Variants in ARHGAP19 observed in about 807,000 individuals in gnomAD.
ARHGAP19 encodes Rho GTPase activating protein 19, also known as rho GTPase-activating protein 19.
In ARHGAP19, 48 loss-of-function variants were observed where a neutral mutation model predicts 60.9. The observed-to-expected ratio is 0.79, with a 90% CI of 0.62 to 1.00. The LOEUF (loss-of-function observed/expected upper bound fraction) is 1.00, where lower values mean the gene tolerates loss of function less well. ARHGAP19 is among the 50% of genes least tolerant of loss of function. The probability of loss-of-function intolerance (pLI) is 0.00; values close to 1 mark genes in which losing one functional copy is unlikely to be tolerated. For missense variants in ARHGAP19, 562 were observed against 597.2 expected, an observed-to-expected ratio of 0.94 and a Z score of 0.61; for synonymous variants, 209 against 215.5, an observed-to-expected ratio of 0.97 and a Z score of 0.27.
At chr10:97,263,273 G>A in intron 4 of ARHGAP19, 147 bp downstream of exon 4, 1 of 748,576 alleles carries the variant, frequency 1.3e-6, no homozygotes, top group Non-Finnish European at 2.2e-6. Flanking sequence ...ATACCTATGA[G>A]TACCCAGAGA....
chr10:97,264,918 T>C lies in ARHGAP19; in HGVS notation c.323-12A>G, dbSNP rs1226948126. ...TATCACTCCTTTTTCTGAAAAACCATATGATATGACAGGGCTATATTTCAC... is the reference window on the plus strand; with the variant it reads ...TATCACTCCTTTTTCTGAAAAACCACATGATATGACAGGGCTATATTTCAC... On this transcript the variant is annotated splice_polypyrimidine_tract_variant and intron_variant, in intron 2 of 11. Coordinates refer to ENST00000358531, the MANE Select transcript of ARHGAP19 (RefSeq NM_032900.6). 1.2e-6 allele frequency: 2 copies of C among 1,602,038 alleles called. No homozygotes were observed.
At chr10:97,229,047 G>C (rs754901013) in intron 11 of ARHGAP19, 100 bp downstream of exon 11, 1 of 1,184,936 alleles carries the variant, frequency 8.4e-7, no homozygotes, top group Non-Finnish European at 1.3e-6. Flanking sequence ...TGTCACTTCT[G>C]ACTACAAATG....
intron 6 of ARHGAP19, among the ~76,000 whole-genome samples, chr10:97,251,211 G>A (rs1842645174): frequency 4.2e-5 from 2 of 47,132 alleles, no homozygotes; most frequent in Non-Finnish European, 8.2e-5. Context: ...AAGGGAAGGG[G>A]AAGGGGAATG....
chr10:97,237,216 GATCA>G (rs71007324), intron 8 of ARHGAP19, among the ~76,000 whole-genome samples: 129,236 of 147,902 alleles, frequency 0.87, 57,609 homozygotes, highest in Non-Finnish European at 0.97. Flanking sequence ...AGTGAGCTGA[GATCA>G]ATCACGTCAT....
At chr10:97,287,414 A>G (rs1803982705) in intron 1 of ARHGAP19, among the ~76,000 whole-genome samples, 1 of 152,202 alleles carries the variant, frequency 6.6e-6, no homozygotes, top group African/African-American at 2.4e-5. Context: ...AAAACATAAC[A>G]TGGGAATCTT....
intron 1 of ARHGAP19, among the ~76,000 whole-genome samples, chr10:97,291,667 T>C (rs773126295): frequency 1.5e-4 from 23 of 152,184 alleles, no homozygotes; most frequent in Non-Finnish European, 2.6e-4. Flanking sequence ...ACAAAGTTAT[T>C]AGTTTCCCAA....
intron 1 of ARHGAP19, among the ~76,000 whole-genome samples, chr10:97,282,379 A>G (rs1843095873): frequency 6.6e-6 from 1 of 152,236 alleles, no homozygotes; most frequent in Non-Finnish European, 1.5e-5. Flanking sequence ...AAAGAGGTAG[A>G]TATCTAACAA....
chr10:97,229,152 T>A lies in ARHGAP19; in HGVS notation c.1469A>T (p.Lys490Ile), dbSNP rs759548911. ...LKWSEGKKEG[K>I]KGFL ...AGAGTAAGTACAATTAGTACCTTTTTTCCCCTCTTTCTTCCCTTCAGACCA... is the reference window on the plus strand; with the variant it reads ...AGAGTAAGTACAATTAGTACCTTTTATCCCCTCTTTCTTCCCTTCAGACCA... Residue 490 changes from lysine to isoleucine, a missense_variant, in exon 11 of 12, where the codon AAA (lysine) becomes ATA (isoleucine). Coordinates refer to ENST00000358531, the MANE Select transcript of ARHGAP19 (RefSeq NM_032900.6). 1 of 1,613,592 alleles carries A rather than the reference T, an allele frequency of 6.2e-7. No individual in the cohort carries two copies. The highest frequency in any genetic ancestry group is 1.1e-5 in the South Asian group (1 of 91,070).
chr10:97,255,107 T>C (rs1467001398), intron 6 of ARHGAP19, among the ~76,000 whole-genome samples: 1 of 152,172 alleles, frequency 6.6e-6, no homozygotes, highest in Non-Finnish European at 1.5e-5. Context: ...AGAGTTTCAA[T>C]TTTGCAAGAT....
intron 6 of ARHGAP19, among the ~76,000 whole-genome samples, chr10:97,246,639 A>G (rs1842567671): frequency 6.6e-6 from 1 of 152,202 alleles, no homozygotes; most frequent in Non-Finnish European, 1.5e-5. Context: ...ATTTGTAGGA[A>G]TGTTTCTATC....
intron 1 of ARHGAP19, among the ~76,000 whole-genome samples, chr10:97,273,400 T>G (rs1312218648): frequency 6.6e-6 from 1 of 151,054 alleles, no homozygotes; most frequent in Non-Finnish European, 1.5e-5. Context: ...TGACCTCAGG[T>G]GATCCACCCA....
At chr10:97,246,147 T>G in intron 7 of ARHGAP19, 125 bp downstream of exon 7, 1 of 758,598 alleles carries the variant, frequency 1.3e-6, no homozygotes, top group African/African-American at 1.8e-5. Context: ...GACTAAGTAA[T>G]TTTGAGCTAT....
chr10:97,249,604 T>G (rs934863010), intron 6 of ARHGAP19, among the ~76,000 whole-genome samples: 1 of 152,034 alleles, frequency 6.6e-6, no homozygotes, highest in African/African-American at 2.4e-5. Context: ...ATAAATGACA[T>G]GAAGAAAAAG....
intron 7 of ARHGAP19, 25 bp downstream of exon 7, chr10:97,246,247 G>A: frequency 6.3e-7 from 1 of 1,595,394 alleles, no homozygotes; most frequent in Non-Finnish European, 8.6e-7. Context: ...CCTTGTTTGG[G>A]TTAAGAGCAG....
chr10:97,290,293 C>T (rs1450546701), intron 1 of ARHGAP19, among the ~76,000 whole-genome samples: 4 of 152,280 alleles, frequency 2.6e-5, no homozygotes, highest in Non-Finnish European at 2.9e-5. Context: ...CCCATCCCTC[C>T]GGATCTGGCA....
At chr10:97,251,335 A>G (rs1842652334) in intron 6 of ARHGAP19, among the ~76,000 whole-genome samples, 2 of 43,656 alleles carry the variant, frequency 4.6e-5, no homozygotes, top group Non-Finnish European at 8.8e-5. Context: ...GGGGAAAGGG[A>G]AAGGAAGGGG....
chr10:97,243,944 CA>C, intron 8 of ARHGAP19, 23 bp downstream of exon 8: 2 of 1,571,724 alleles, frequency 1.3e-6, no homozygotes, highest in Middle Eastern at 1.7e-4. Context: ...AAAGCCCCAT[CA>C]CAACTTCCCT....
chr10:97,273,916 C>A (rs1031033414), intron 1 of ARHGAP19, among the ~76,000 whole-genome samples: 12 of 151,412 alleles, frequency 7.9e-5, no homozygotes, highest in African/African-American at 2.9e-4. Context: ...GCTATATGTA[C>A]AATCACAGCT....
At chr10:97,236,252 C>T (rs1842376411) in intron 8 of ARHGAP19, among the ~76,000 whole-genome samples, 1 of 152,174 alleles carries the variant, frequency 6.6e-6, no homozygotes, top group Admixed American at 6.5e-5. Flanking sequence ...GCTAGGATTA[C>T]AGGCGTGAGA....
Sources: allele counts gnomAD v4.1 joint callset (sites outside exome capture counted in the v4.1 genomes callset), GRCh38; gene constraint gnomAD v4.1.1; transcripts MANE v1.5; gene names NCBI Gene and HGNC (gene_info 2026-07-23, HGNC 2026-07-21).